Variants in PRKAG2 observed in about 807,000 individuals in gnomAD.
The protein encoded by PRKAG2 is protein kinase AMP-activated non-catalytic subunit gamma 2, also known as 5'-AMP-activated protein kinase subunit gamma-2.
In PRKAG2, 26 loss-of-function variants were observed where a neutral mutation model predicts 69.6. The ratio of observed to expected loss-of-function variants is 0.37; its 90% CI spans 0.27 to 0.52. PRKAG2 has a LOEUF of 0.52. Among genes scored for constraint, PRKAG2 ranks in the 20% least tolerant of loss-of-function variants. PRKAG2 has a pLI of 0.90. For missense variants in PRKAG2, 557 were observed against 740.0 expected, an observed-to-expected ratio of 0.75 and a Z score of 2.87; for synonymous variants, 293 against 285.0, an observed-to-expected ratio of 1.03 and a Z score of -0.28.
intron 3 of PRKAG2, among the ~76,000 whole-genome samples, chr7:151,743,985 G>A (rs941262216): frequency 1.3e-5 from 2 of 152,204 alleles, no homozygotes; most frequent in Admixed American, 6.5e-5. Flanking sequence ...CAGCCAGACT[G>A]TGCACTACAC....
Position 151,583,860 on chromosome 7 carries a change from T to G in PRKAG2, c.865-7408A>C, listed in dbSNP as rs1440859677. 1.3e-5 allele frequency among the ~76,000 whole-genome samples: 2 copies of G among 152,184 alleles called. No homozygotes were observed. The highest frequency in any genetic ancestry group is 2.9e-5 in the Non-Finnish European group (2 of 68,036). On this transcript the variant is annotated intron_variant, in intron 6 of 15. Coordinates refer to ENST00000287878, the MANE Select transcript of PRKAG2 (RefSeq NM_016203.4). The surrounding 1 kb of genome is among the most constrained non-coding windows in gnomAD (Gnocchi z 4.1). ...AATGTTCATAGGTAAGTTTTTAGAA[T>G]AGTGAGCAGGCCCGAGCTGCTCTAA...
chr7:151,620,984 C>G (rs1201666413), intron 5 of PRKAG2, among the ~76,000 whole-genome samples: 3 of 152,120 alleles, frequency 2.0e-5, no homozygotes, highest in Admixed American at 6.5e-5. Flanking sequence ...TCCCAAAGGC[C>G]TGGGATTACC....
intron 4 of PRKAG2, among the ~76,000 whole-genome samples, chr7:151,642,131 C>T (rs1026146480): frequency 2.0e-5 from 3 of 149,786 alleles, no homozygotes; most frequent in Non-Finnish European, 3.0e-5. Context: ...GTCAGGAGAT[C>T]GAGACCATCC....
chr7:151,822,892 C>A (rs569017931), intron 1 of PRKAG2, among the ~76,000 whole-genome samples: 21 of 152,286 alleles, frequency 1.4e-4, no homozygotes, highest in African/African-American at 5.1e-4. Flanking sequence ...AGCCCTGATT[C>A]AAAAATGAAA....
intron 3 of PRKAG2, among the ~76,000 whole-genome samples, chr7:151,745,873 C>G (rs1055640375): frequency 1.3e-5 from 2 of 152,156 alleles, no homozygotes; most frequent in Admixed American, 6.5e-5. Context: ...GCCTGGCAAC[C>G]CTGCAGTCGC....
chr7:151,864,668 C>T lies in PRKAG2; in HGVS notation c.114+11839G>A, dbSNP rs371475592. On this transcript the variant is annotated intron_variant, in intron 1 of 15. Transcript: ENST00000287878. ...ACAAGCGACCTCTCTGTTCTCCTGG[C>T]GCTGGCAGCTCCCCAGGGGTGAAAT... 7.9e-5 allele frequency among the ~76,000 whole-genome samples: 12 copies of T among 152,334 alleles called. No homozygotes were observed. The South Asian group carries it at 1.4e-3, about 18-fold the overall frequency.
rs1435985171 is a variant in PRKAG2, at chr7:151,629,869, G to T, written c.754+2200C>A. Among the ~76,000 whole-genome samples the T allele has an allele frequency of 2.0e-5, 3 of 152,298 alleles. No individual in the cohort carries two copies. The East Asian group carries it at 5.8e-4, about 29-fold the overall frequency. ...CCTATTATGTAGGATATTTAGAGGT[G>T]TAATGTCTTACTGCTGGGACTTTTG... On this transcript the variant is annotated intron_variant, in intron 5 of 15. Transcript: ENST00000287878.
At chr7:151,727,093 T>C (rs1174679511) in intron 3 of PRKAG2, among the ~76,000 whole-genome samples, 1 of 152,004 alleles carries the variant, frequency 6.6e-6, no homozygotes, top group African/African-American at 2.4e-5. Flanking sequence ...TATGCGCCTG[T>C]AATCCCACCT....
At chr7:151,851,040 C>T (rs1459398160) in intron 1 of PRKAG2, among the ~76,000 whole-genome samples, 1 of 152,226 alleles carries the variant, frequency 6.6e-6, no homozygotes, top group Non-Finnish European at 1.5e-5. Flanking sequence ...CCCGCCGTCT[C>T]TGTGCCTGGC....
At chr7:151,762,488 G>C (rs2075478018) in intron 3 of PRKAG2, among the ~76,000 whole-genome samples, 3 of 152,194 alleles carry the variant, frequency 2.0e-5, no homozygotes, top group Non-Finnish European at 4.4e-5. Flanking sequence ...CTGAGAGGCA[G>C]TGTCAGTTCT....
At position 151,560,561 on chromosome 7, in the gene PRKAG2, C is replaced by T; in HGVS notation, c.1641G>A (p.Leu547=). The part of the protein sequence containing the change: ...EADSIVGIIS[L]SDILQALILT... ...GGATCAGGGCTTGCAGAATGTCCGA[C>T]AGGGAAATAATACCCACAATACTAT... The change falls in exon 15 of 16, where the codon CTG becomes CTA. Residue 547 remains leucine (L), a synonymous_variant. Coordinates refer to ENST00000287878, the MANE Select transcript of PRKAG2 (RefSeq NM_016203.4). The T allele has an allele frequency of 6.2e-7, 1 of 1,614,076 alleles. No individual in the cohort carries two copies. Among genetic ancestry groups the T allele is most frequent in the Non-Finnish European group, 8.5e-7 (1 of 1,179,962 alleles).
chr7:151,595,558 C>T lies in PRKAG2; in HGVS notation c.755-104G>A, dbSNP rs543921852. ...CACTAACAGACTTAATGGTAAAATA[C>T]GAAATGTTTTCCCAGTATGATCAAG... On this transcript the variant is annotated intron_variant, in intron 5 of 15. Transcript: ENST00000287878. The T allele has an allele frequency of 2.8e-4, 230 of 824,102 alleles. 3 individuals carry two copies. In the African/African-American group the frequency reaches 3.4e-3, roughly 12 times the overall value. The allele number at this position is 824,102 out of a possible 1,614,324, so 51.0% of individuals were successfully genotyped here.
chr7:151,747,968 G>T (rs919343753), intron 3 of PRKAG2, among the ~76,000 whole-genome samples: 7 of 148,430 alleles, frequency 4.7e-5, no homozygotes, highest in African/African-American at 1.8e-4. Context: ...ATTGCCCGGG[G>T]TTGAGTGCTG....
chr7:151,566,937 T>C (rs1397988880), intron 11 of PRKAG2, among the ~76,000 whole-genome samples: 4 of 152,226 alleles, frequency 2.6e-5, no homozygotes, highest in Non-Finnish European at 4.4e-5. Flanking sequence ...TCTGGTAGCA[T>C]GATTCTAATT....
intron 5 of PRKAG2, among the ~76,000 whole-genome samples, chr7:151,608,724 A>G: frequency 6.6e-6 from 1 of 152,152 alleles, no homozygotes; most frequent in Admixed American, 6.6e-5. Flanking sequence ...AGATTTAATA[A>G]CCAGTATAAA....
At chr7:151,611,844 A>C (rs557488871) in intron 5 of PRKAG2, among the ~76,000 whole-genome samples, 1 of 152,318 alleles carries the variant, frequency 6.6e-6, no homozygotes, top group Admixed American at 6.5e-5. Context: ...ACTTGAGGTC[A>C]GGAGTTCGAG....
chr7:151,808,084 C>CG (rs2078213715), intron 1 of PRKAG2, among the ~76,000 whole-genome samples: 1 of 152,158 alleles, frequency 6.6e-6, no homozygotes, highest in South Asian at 2.1e-4. Flanking sequence ...CCACAGCGGG[C>CG]GGGGCTCCCC....
intron 4 of PRKAG2, among the ~76,000 whole-genome samples, chr7:151,641,242 T>C (rs1826615011): frequency 7.4e-6 from 1 of 135,440 alleles, no homozygotes; most frequent in Non-Finnish European, 1.5e-5. Flanking sequence ...CCTTCTTTTT[T>C]CCTTTTTTTT....
At chr7:151,855,062 T>TACACACACCACCCTCTACCAC (rs1563756669) in intron 1 of PRKAG2, among the ~76,000 whole-genome samples, 2 of 33,982 alleles carry the variant, frequency 5.9e-5, no homozygotes, top group Non-Finnish European at 9.8e-5. Context: ...ACACACACCA[T>TACACACACCACCCTCTACCAC]CCTCCACACA....
Sources: gnomAD v4.1 joint callset for allele counts (sites outside exome capture counted in the v4.1 genomes callset) on GRCh38, gnomAD v4.1.1 for gene constraint, Gnocchi (gnomAD v3.1) non-coding constraint, MANE v1.5 for transcripts, NCBI Gene and HGNC (gene_info 2026-07-23, HGNC 2026-07-21) for gene names.